The following NAV2 variants were observed in gnomAD, a reference collection of about 807,000 sequenced individuals.
NAV2 encodes the protein helicase, APC down-regulated 1.
NAV2 carries 54 observed loss-of-function variants against 223.2 expected under a neutral mutation model. The ratio of observed to expected loss-of-function variants is 0.24; its 90% CI spans 0.19 to 0.30. The LOEUF (loss-of-function observed/expected upper bound fraction) is 0.30. Ranked by LOEUF, NAV2 falls within the 10% of genes least tolerant of loss-of-function variation. NAV2 has a pLI of 1.00. For missense variants in NAV2, 2,806 were observed against 3,147.5 expected, an observed-to-expected ratio of 0.89 and a Z score of 2.60; for synonymous variants, 1,279 against 1,239.3, an observed-to-expected ratio of 1.03 and a Z score of -0.67.
chr11:19,738,847 C>T (rs540908890), intron 1 of NAV2, among the ~76,000 whole-genome samples: 3 of 152,294 alleles, frequency 2.0e-5, no homozygotes, highest in African/African-American at 7.2e-5. Context: ...AGCTCAGAAC[C>T]TCCCTTGGAG....
At position 19,843,758 on chromosome 11, in the gene NAV2, T is replaced by TA. The variant is rs34850023; in HGVS notation, c.438+853dup. Among the ~76,000 whole-genome samples the TA allele has an allele frequency of 5.6e-3, 761 of 135,290 alleles. 2 individuals are homozygous for TA. Among genetic ancestry groups the TA allele is most frequent in the Middle Eastern group, 0.012 (3 of 256 alleles). 88.8% of individuals were successfully genotyped at this position (135,290 alleles called of 152,430 possible). ...GGATGTTCATTTGCTTCCAGAAATC[T>TA]AAAAAAAAAAAAAAAAAAGCTTAAT... On this transcript the variant is annotated intron_variant, in intron 3 of 37. Coordinates refer to ENST00000349880, the MANE Select transcript of NAV2 (RefSeq NM_145117.5).
At chr11:19,605,358 A>G (rs904023340) in intron 1 of NAV2, among the ~76,000 whole-genome samples, 2 of 152,136 alleles carry the variant, frequency 1.3e-5, no homozygotes, top group African/African-American at 2.4e-5. Context: ...TCCTCTCCCA[A>G]GGAGAGTAAA....
At chr11:20,114,468 T>C in intron 36 of NAV2, 124 bp from the exon 37 acceptor site, 1 of 817,170 alleles carries the variant, frequency 1.2e-6, no homozygotes. Flanking sequence ...GGAATAGAAG[T>C]GGAATTACTC....
At chr11:19,910,835 G>A (rs2043246932) in intron 6 of NAV2, among the ~76,000 whole-genome samples, 1 of 152,138 alleles carries the variant, frequency 6.6e-6, no homozygotes, top group East Asian at 1.9e-4. Flanking sequence ...TCCAGCCTGG[G>A]TGACAGAGCG....
Position 19,597,618 on chromosome 11 carries a change from T to G in NAV2, c.76-234866T>G, listed in dbSNP as rs568522484. 1.7e-3 allele frequency among the ~76,000 whole-genome samples: 261 copies of G among 152,384 alleles called. 1 individual carries two copies. Among genetic ancestry groups the G allele is most frequent in the African/African-American group, 5.9e-3 (246 of 41,594 alleles). On this transcript the variant is annotated intron_variant, in intron 1 of 37. Coordinates refer to the NAV2 transcript ENST00000360655. ...TTCTCATTAGCTGCAGTTTAATTAC[T>G]GCCTGCCGTATAGGTTTTTAATAAC...
intron 33 of NAV2, 85 bp downstream of exon 33, chr11:20,103,494 C>T: frequency 2.6e-6 from 4 of 1,537,674 alleles, no homozygotes; most frequent in Non-Finnish European, 3.6e-6. Flanking sequence ...TGGCCCGGGG[C>T]CGTTGTGGGA....
At chr11:19,582,320 G>A (rs986298708) in intron 1 of NAV2, among the ~76,000 whole-genome samples, 28 of 152,150 alleles carry the variant, frequency 1.8e-4, no homozygotes, top group African/African-American at 6.3e-4. Context: ...TAGGTTGCCT[G>A]TTCACTCTGA....
intron 1 of NAV2, among the ~76,000 whole-genome samples, chr11:19,682,710 G>C (rs1022306523): frequency 6.6e-6 from 1 of 152,008 alleles, no homozygotes; most frequent in African/African-American, 2.4e-5. Flanking sequence ...ATGACAGAGA[G>C]GGCAGAGATG....
chr11:19,919,805 A>C (rs887953023), intron 6 of NAV2, among the ~76,000 whole-genome samples: 1 of 152,212 alleles, frequency 6.6e-6, no homozygotes, highest in Admixed American at 6.5e-5. Flanking sequence ...AGAAAGCTTT[A>C]GTCACCATCT....
intron 1 of NAV2, among the ~76,000 whole-genome samples, chr11:19,748,865 T>A (rs1278391039): frequency 6.6e-6 from 1 of 152,172 alleles, no homozygotes; most frequent in Non-Finnish European, 1.5e-5. Context: ...TGCTGAAAGG[T>A]AAAGATGTGA....
upstream of NAV2, among the ~76,000 whole-genome samples, chr11:19,349,780 C>T (rs1378628430): frequency 6.6e-6 from 1 of 152,100 alleles, no homozygotes; most frequent in Non-Finnish European, 1.5e-5. Context: ...GAATATTTTT[C>T]TTGGTGCAGA....
At chr11:19,831,818 T>C (rs1237204070) in intron 1 of NAV2, among the ~76,000 whole-genome samples, 1 of 152,108 alleles carries the variant, frequency 6.6e-6, no homozygotes, top group Non-Finnish European at 1.5e-5. Context: ...CACACAACAG[T>C]GTTGTGTTTA....
intron 1 of NAV2, among the ~76,000 whole-genome samples, chr11:19,629,160 C>T (rs368509954): frequency 1.3e-5 from 2 of 152,094 alleles, no homozygotes; most frequent in African/African-American, 4.8e-5. Flanking sequence ...CTCATTTCCT[C>T]GTCACATCTC....
chr11:19,756,738 A>G (rs2054262244), intron 1 of NAV2, among the ~76,000 whole-genome samples: 1 of 152,244 alleles, frequency 6.6e-6, no homozygotes, highest in South Asian at 2.1e-4. Flanking sequence ...CTGATGCATT[A>G]GTCACAACAA....
At chr11:19,799,949 A>T (rs991575334) in intron 1 of NAV2, among the ~76,000 whole-genome samples, 38 of 152,146 alleles carry the variant, frequency 2.5e-4, no homozygotes, top group African/African-American at 7.5e-4. Flanking sequence ...GAGTAATTTG[A>T]TGGAGAAATT....
intron 3 of NAV2, among the ~76,000 whole-genome samples, chr11:19,856,819 G>T (rs1252631136): frequency 6.6e-6 from 1 of 152,206 alleles, no homozygotes; most frequent in Non-Finnish European, 1.5e-5. Flanking sequence ...GCATTCAAAG[G>T]TATTTGCTTG....
intron 1 of NAV2, among the ~76,000 whole-genome samples, chr11:19,807,634 G>A (rs963713595): frequency 7.9e-5 from 12 of 152,110 alleles, no homozygotes; most frequent in African/African-American, 2.9e-4. Flanking sequence ...CAGGAGTCAG[G>A]CCCCAGGCCA....
chr11:19,618,077 T>A (rs2046852384), intron 1 of NAV2, among the ~76,000 whole-genome samples: 1 of 152,252 alleles, frequency 6.6e-6, no homozygotes, highest in Non-Finnish European at 1.5e-5. Flanking sequence ...ACCTACTGTT[T>A]GTTGTCTTTC....
At chr11:19,829,435 C>T (rs572289990) in intron 1 of NAV2, among the ~76,000 whole-genome samples, 1 of 152,188 alleles carries the variant, frequency 6.6e-6, no homozygotes, top group Non-Finnish European at 1.5e-5. Flanking sequence ...CATTTGTATC[C>T]TGGAGATTCA....
Sources: gnomAD v4.1 joint callset for allele counts (sites outside exome capture counted in the v4.1 genomes callset) on GRCh38, gnomAD v4.1.1 for gene constraint, MANE v1.5 for transcripts, NCBI Gene and HGNC (gene_info 2026-07-23, HGNC 2026-07-21) for gene names.